Variants in C2orf92 observed in about 807,000 individuals in gnomAD.
C2orf92 encodes chromosome 2 open reading frame 92.
chr2:97,684,067 A>ACT (rs915237907), intron 3 of C2orf92, among the ~76,000 whole-genome samples: 6 of 116,678 alleles, frequency 5.1e-5, no homozygotes, highest in Non-Finnish European at 1.0e-4. Context: ...ACGGAGTCTC[A>ACT]CTCTGTCGCC....
intron 5 of C2orf92, among the ~76,000 whole-genome samples, chr2:97,694,188 A>G (rs1227552158): frequency 6.6e-6 from 1 of 151,618 alleles, no homozygotes; most frequent in East Asian, 1.9e-4. Context: ...ATTTTGCATA[A>G]TGTCCTCAAG....
In C2orf92 at chr2:97,699,317, C is replaced by T. The variant is rs753433234; in HGVS notation, c.514+181C>T. 5.9e-5 allele frequency among the ~76,000 whole-genome samples: 9 copies of T among 152,188 alleles called. 1 individual carries two copies. The highest frequency in any genetic ancestry group is 1.2e-4 in the African/African-American group (5 of 41,502). On this transcript the variant is annotated intron_variant, in intron 6 of 7. Coordinates refer to ENST00000627399, the MANE Select transcript of C2orf92 (RefSeq NM_001351368.2). ...TATGAATTAAACCAACTCCAGAGGCCGGGCACGGTGGCTCACGCCTGTAAT... is the reference window on the plus strand; with the variant it reads ...TATGAATTAAACCAACTCCAGAGGCTGGGCACGGTGGCTCACGCCTGTAAT...
chr2:97,695,498 G>T (rs2104595800), intron 5 of C2orf92, among the ~76,000 whole-genome samples: 1 of 152,256 alleles, frequency 6.6e-6, no homozygotes, highest in Non-Finnish European at 1.5e-5. Flanking sequence ...CTCAGCCCCT[G>T]AATAATGTAT....
At chr2:97,664,640 G>A in intron 1 of C2orf92, 1 of 152,014 alleles carries the variant, frequency 6.6e-6, no homozygotes, top group Non-Finnish European at 1.5e-5. Flanking sequence ...ATTGCAAGTC[G>A]TCACGGTGGG....
chr2:97,664,434 A>G (rs1428097889), exon 1 of C2orf92: 1 of 152,152 alleles, frequency 6.6e-6, no homozygotes, highest in Non-Finnish European at 1.5e-5. Context: ...CCGGCCCTGG[A>G]TATTTCACCC....
At chr2:97,676,433 CAAAAAAAAAAA>C (rs1302287547) in intron 3 of C2orf92, among the ~76,000 whole-genome samples, 1 of 31,114 alleles carries the variant, frequency 3.2e-5, no homozygotes, top group African/African-American at 1.7e-4. Flanking sequence ...GACTCCATCT[CAAAAAAAAAAA>C]AAAAGAAAAA....
chr2:97,690,089 C>A (rs1573220914), intron 4 of C2orf92, among the ~76,000 whole-genome samples, 167 bp from the exon 5 acceptor site: 1 of 151,778 alleles, frequency 6.6e-6, no homozygotes, highest in Non-Finnish European at 1.5e-5. Flanking sequence ...CGAGATCTTG[C>A]CACTGCACTC....
intron 3 of C2orf92, among the ~76,000 whole-genome samples, chr2:97,680,913 G>A (rs1445339402): frequency 5.3e-5 from 8 of 151,762 alleles, no homozygotes; most frequent in Admixed American, 1.3e-4. Context: ...GAGACAGAGC[G>A]AGACTCCGTC....
chr2:97,700,269 T>A (rs766851434), intron 6 of C2orf92, among the ~76,000 whole-genome samples: 1 of 152,186 alleles, frequency 6.6e-6, no homozygotes, highest in Non-Finnish European at 1.5e-5. Context: ...TGTGGCCTTG[T>A]GTTTGCCTCG....
chr2:97,674,848 G>A (rs892711234), intron 2 of C2orf92, among the ~76,000 whole-genome samples: 7 of 152,172 alleles, frequency 4.6e-5, no homozygotes, highest in East Asian at 1.9e-4. Flanking sequence ...ACAGAAACCC[G>A]GTTTGCAAGT....
At chr2:97,670,092 T>C (rs1675362958) in intron 1 of C2orf92, 1 of 345,788 alleles carries the variant, frequency 2.9e-6, no homozygotes, top group African/African-American at 2.1e-5. Context: ...AACTTTTCAC[T>C]GTAAGCATTT....
At chr2:97,668,064 T>C (rs889937391), upstream of C2orf92, 1 of 152,202 alleles carries the variant, frequency 6.6e-6, no homozygotes, top group East Asian at 1.9e-4. Context: ...GCAAAAGAGA[T>C]GGAGCCCGGG....
intron 3 of C2orf92, chr2:97,677,415 A>G (rs1675619827): frequency 6.6e-6 from 1 of 152,200 alleles, no homozygotes; most frequent in Admixed American, 6.5e-5. Flanking sequence ...CTTTTTGGAG[A>G]TAGACACTTA....
chr2:97,671,711 G>A (rs1675417135), intron 1 of C2orf92: 2 of 374,736 alleles, frequency 5.3e-6, no homozygotes, highest in Non-Finnish European at 9.5e-6. Context: ...AGCATCAGTG[G>A]AGCAGAGCAG....
chr2:97,675,479 G>A (rs180839577), intron 2 of C2orf92, among the ~76,000 whole-genome samples: 1 of 152,358 alleles, frequency 6.6e-6, no homozygotes, highest in Non-Finnish European at 1.5e-5. Flanking sequence ...CTTATTAACA[G>A]AGAACTGTGC....
At chr2:97,669,571 G>T, upstream of C2orf92, 1 of 381,716 alleles carries the variant, frequency 2.6e-6, no homozygotes, top group Non-Finnish European at 4.6e-6. Context: ...AGGGAAGTGA[G>T]CAGAGAGGCA....
At chr2:97,664,162 G>T (rs932209682), upstream of C2orf92, 3 of 220,042 alleles carry the variant, frequency 1.4e-5, no homozygotes, top group African/African-American at 2.3e-5. Context: ...AATTGAGGTC[G>T]TCCGGAAAAA....
chr2:97,699,699 C>T (rs1026328024), intron 6 of C2orf92, among the ~76,000 whole-genome samples: 4 of 152,340 alleles, frequency 2.6e-5, no homozygotes, highest in South Asian at 2.1e-4. Flanking sequence ...ACAGCCAGGG[C>T]TTCACCCTCG....
rs1195684756 is a variant in C2orf92, at chr2:97,702,745, A to C, written c.742A>C (p.Asn248His). 5.0e-6 allele frequency: 2 copies of C among 399,004 alleles called. No individual in the cohort carries two copies. Among genetic ancestry groups the C allele is most frequent in the East Asian group, 3.6e-5 (1 of 28,078 alleles). 24.7% of individuals were successfully genotyped at this position (399,004 alleles called of 1,614,324 possible). A position where few individuals can be genotyped will look rare whatever the true frequency, so the allele number is the denominator to read the frequency against. ...ATGGTGGCACAATTCTGAAGAAAAA[A>C]ATTTCACAAAACTTGCAAAAAAACA... is the stretch of plus-strand genomic sequence containing the variant. ...KTWWHNSEEK[N>H]FTKLAKKQKQ... Residue 248 changes from asparagine to histidine, a missense_variant, in exon 8 of 8, where the codon AAT becomes CAT. Coordinates refer to ENST00000627399, the MANE Select transcript of C2orf92 (RefSeq NM_001351368.2).
Sources: gnomAD v4.1 joint callset for allele counts (sites outside exome capture counted in the v4.1 genomes callset) on GRCh38, gnomAD v4.1.1 for gene constraint, MANE v1.5 for transcripts, NCBI Gene and HGNC (gene_info 2026-07-23, HGNC 2026-07-21) for gene names.